Variants in RSPO2 observed in about 807,000 individuals in gnomAD.
RSPO2 encodes the protein R-spondin-2.
Under a neutral mutation model 30.9 loss-of-function variants are expected in RSPO2, and 14 were observed. The ratio of observed to expected loss-of-function variants is 0.45; its 90% confidence interval spans 0.30 to 0.71. RSPO2 has a LOEUF of 0.71. Among genes scored for constraint, RSPO2 ranks in the 30% least tolerant of loss-of-function variants. The pLI, the probability that RSPO2 is intolerant of heterozygous loss-of-function variation, is 0.08. For synonymous variants in RSPO2, 107 were observed against 96.4 expected (o/e 1.11, Z -0.64); for missense variants, 264 against 301.9 (o/e 0.87, Z 0.93).
chr8:107,942,931 C>T (rs1362693141), intron 5 of RSPO2, among the ~76,000 whole-genome samples: 3 of 152,194 alleles, frequency 2.0e-5, no homozygotes, highest in Non-Finnish European at 4.4e-5. Flanking sequence ...CTAATTTTCT[C>T]AATATGGAAA....
chr8:107,924,676 G>A (rs1341478772), intron 5 of RSPO2, among the ~76,000 whole-genome samples: 1 of 151,974 alleles, frequency 6.6e-6, no homozygotes, highest in Non-Finnish European at 1.5e-5. Flanking sequence ...AAACTGAACA[G>A]AAAAGAGACC....
intron 5 of RSPO2, among the ~76,000 whole-genome samples, chr8:107,918,451 G>GACTTTAA (rs1812046269): frequency 6.6e-6 from 1 of 152,134 alleles, no homozygotes; most frequent in African/African-American, 2.4e-5. Flanking sequence ...AGTTGACTCA[G>GACTTTAA]AGTCACTAAG....
At chr8:108,049,113 G>A (rs561690897) in intron 2 of RSPO2, among the ~76,000 whole-genome samples, 1 of 151,914 alleles carries the variant, frequency 6.6e-6, no homozygotes, top group African/African-American at 2.4e-5. Flanking sequence ...TGGGGAACTG[G>A]GGGACGGATA....
intron 2 of RSPO2, among the ~76,000 whole-genome samples, chr8:108,003,406 ACCTCTGGTGAT>A (rs1195776184): frequency 1.4e-5 from 2 of 139,214 alleles, no homozygotes; most frequent in East Asian, 2.2e-4. Context: ...TAATCCGCCG[ACCTCTGGTGAT>A]CCTCTGGCCT....
intron 2 of RSPO2, among the ~76,000 whole-genome samples, chr8:108,048,018 T>C (rs745936016): frequency 8.1e-4 from 123 of 152,214 alleles, no homozygotes; most frequent in Non-Finnish European, 1.4e-3. Flanking sequence ...TTAACAGAAC[T>C]TTTTGCCTTT....
At chr8:107,930,043 T>C (rs1391837825) in intron 5 of RSPO2, among the ~76,000 whole-genome samples, 1 of 152,200 alleles carries the variant, frequency 6.6e-6, no homozygotes, top group East Asian at 1.9e-4. Context: ...TAAGATCATT[T>C]TATCTATATT....
chr8:108,039,403 A>G (rs1257425945), intron 2 of RSPO2, among the ~76,000 whole-genome samples: 2 of 152,086 alleles, frequency 1.3e-5, no homozygotes, highest in Non-Finnish European at 2.9e-5. Context: ...TATGAGTTCA[A>G]TTATACAGGG....
chr8:108,038,725 G>A (rs964577759), intron 2 of RSPO2, among the ~76,000 whole-genome samples: 15 of 151,114 alleles, frequency 9.9e-5, no homozygotes, highest in Non-Finnish European at 1.8e-4. Context: ...AACAGATTAT[G>A]ATTCAGTGAA....
At chr8:108,075,480 C>CAA (rs147639316) in intron 2 of RSPO2, among the ~76,000 whole-genome samples, 2 of 124,894 alleles carry the variant, frequency 1.6e-5, no homozygotes, top group African/African-American at 2.9e-5. Flanking sequence ...AATTCCATCT[C>CAA]AAAAAAAAAA....
chr8:108,044,832 C>T (rs1811865296), intron 2 of RSPO2, among the ~76,000 whole-genome samples: 1 of 152,044 alleles, frequency 6.6e-6, no homozygotes, highest in African/African-American at 2.4e-5. Context: ...AGTGTAGAAG[C>T]GTTCCCTACT....
chr8:107,929,689 T>C (rs1812491211), intron 5 of RSPO2, among the ~76,000 whole-genome samples: 1 of 152,120 alleles, frequency 6.6e-6, no homozygotes, highest in Non-Finnish European at 1.5e-5. Flanking sequence ...TCAGTGTCTG[T>C]CTCTCACCTT....
intron 3 of RSPO2, among the ~76,000 whole-genome samples, chr8:107,980,794 TCTAAC>T (rs1814403032): frequency 6.6e-6 from 1 of 152,150 alleles, no homozygotes; most frequent in Non-Finnish European, 1.5e-5. Flanking sequence ...TCATGACTGT[TCTAAC>T]CTAACCACTA....
At chr8:107,931,472 C>T (rs1027517467) in intron 5 of RSPO2, among the ~76,000 whole-genome samples, 1 of 152,022 alleles carries the variant, frequency 6.6e-6, no homozygotes, top group African/African-American at 2.4e-5. Context: ...ACACTTAGTG[C>T]TCACGAAATT....
At chr8:107,949,494 T>C (rs1813174738) in intron 5 of RSPO2, among the ~76,000 whole-genome samples, 2 of 152,162 alleles carry the variant, frequency 1.3e-5, no homozygotes, top group Admixed American at 6.6e-5. Flanking sequence ...CTAGATACCA[T>C]GAAGTTCCAA....
chr8:108,016,169 TAA>T (rs1248688443), intron 2 of RSPO2, among the ~76,000 whole-genome samples: 1 of 152,198 alleles, frequency 6.6e-6, no homozygotes, highest in East Asian at 1.9e-4. Context: ...CAAAGCAGAA[TAA>T]AGACATTTTC....
At chr8:107,978,816 A>G (rs1814310826) in intron 3 of RSPO2, among the ~76,000 whole-genome samples, 1 of 152,206 alleles carries the variant, frequency 6.6e-6, no homozygotes, top group Non-Finnish European at 1.5e-5. Flanking sequence ...TCTACAATGA[A>G]CTCAAACAAA....
intron 5 of RSPO2, among the ~76,000 whole-genome samples, chr8:107,954,180 G>T (rs1475674569): frequency 1.3e-5 from 2 of 152,180 alleles, no homozygotes; most frequent in African/African-American, 4.8e-5. Flanking sequence ...AGATCATGAT[G>T]TTGGTCAATC....
intron 2 of RSPO2, among the ~76,000 whole-genome samples, chr8:108,033,973 G>A (rs560214048): frequency 1.4e-4 from 22 of 152,242 alleles, no homozygotes; most frequent in Admixed American, 9.2e-4. Flanking sequence ...GTAATTGCAG[G>A]ACTAACTTTA....
At chr8:108,056,297 GCAA>G (rs368116499) in intron 2 of RSPO2, among the ~76,000 whole-genome samples, 11 of 151,840 alleles carry the variant, frequency 7.2e-5, no homozygotes, top group South Asian at 2.1e-4. Flanking sequence ...CTTTAAAAAG[GCAA>G]CAACAACAAC....
Sources: gnomAD v4.1 joint callset for allele counts (sites outside exome capture counted in the v4.1 genomes callset) on GRCh38, gnomAD v4.1.1 for gene constraint, MANE v1.5 for transcripts, NCBI Gene and HGNC (gene_info 2026-07-23, HGNC 2026-07-21) for gene names.